The following MCTP2 variants were observed in gnomAD, a reference collection of about 807,000 sequenced individuals.
MCTP2 encodes the protein multiple C2 and transmembrane domain containing 2.
MCTP2 carries 132 observed loss-of-function variants against 111.6 expected under a neutral mutation model. The ratio of observed to expected loss-of-function variants is 1.18; its 90% CI spans 1.03 to 1.37. The LOEUF (loss-of-function observed/expected upper bound fraction) is 1.37. Ranked by LOEUF, MCTP2 falls within the 40% of genes most tolerant of loss-of-function variation. The probability of loss-of-function intolerance (pLI) is 0.00; values close to 1 mark genes in which losing one functional copy is unlikely to be tolerated. For synonymous variants in MCTP2, 395 were observed against 387.7 expected (o/e 1.02, Z -0.22); for missense variants, 1,183 against 1,067.9 (o/e 1.11, Z -1.50).
chr15:94,279,450 T>C (rs1007822762), intron 1 of MCTP2, among the ~76,000 whole-genome samples: 100 of 111,842 alleles, frequency 8.9e-4, no homozygotes, highest in African/African-American at 3.4e-3. Context: ...TGTTACTGAT[T>C]TTTTTTTTAC....
chr15:94,232,887 C>T (rs993572237), intron 1 of MCTP2, among the ~76,000 whole-genome samples: 1 of 152,140 alleles, frequency 6.6e-6, no homozygotes. Flanking sequence ...TAGCTCTGTG[C>T]CAAGCACCAT....
intron 1 of MCTP2, among the ~76,000 whole-genome samples, chr15:94,257,689 C>T (rs1346640493): frequency 4.9e-5 from 7 of 143,512 alleles, no homozygotes; most frequent in East Asian, 2.2e-4. Context: ...TAGGTTCGAG[C>T]GATTCTCCTG....
At chr15:94,469,804 C>T (rs1006351186) in intron 20 of MCTP2, among the ~76,000 whole-genome samples, 9 of 151,602 alleles carry the variant, frequency 5.9e-5, no homozygotes, top group South Asian at 2.1e-4. Context: ...CCTGGGGGGT[C>T]GAGGCTGCAG....
chr15:94,376,621 C>T (rs573123383), intron 12 of MCTP2, among the ~76,000 whole-genome samples: 4 of 152,122 alleles, frequency 2.6e-5, no homozygotes, highest in Admixed American at 1.3e-4. Context: ...ATATTTGATA[C>T]GTGAAGAACT....
rs2074691879 is a variant in MCTP2 at position 94,480,876 on chromosome 15, TGTAGCCCGATTG to T, written c.*1843_*1854del. On this transcript the variant is annotated 3_prime_UTR_variant, in exon 23 of 23. Coordinates refer to ENST00000357742, the MANE Select transcript of MCTP2 (RefSeq NM_001385001.1). The stretch of plus-strand genomic sequence containing the variant: ...CATCATTAGTTAGACTTGTTTCCTC[TGTAGCCCGATTG>T]AAATTCTCAGTGTTAAGTTTAGGAC... 1 of 152,244 alleles carries T rather than the reference TGTAGCCCGATTG, an allele frequency of 6.6e-6. No homozygotes were observed. Among genetic ancestry groups the T allele is most frequent in the Non-Finnish European group, 1.5e-5 (1 of 68,038 alleles). 9.4% of individuals were successfully genotyped at this position (152,244 alleles called of 1,614,324 possible). A position where few individuals can be genotyped will look rare whatever the true frequency, so the allele number is the denominator to read the frequency against.
intron 2 of MCTP2, among the ~76,000 whole-genome samples, chr15:94,308,431 G>A (rs1042291669): frequency 4.6e-5 from 7 of 152,138 alleles, no homozygotes; most frequent in Admixed American, 3.9e-4. Flanking sequence ...CCAACCTAGA[G>A]TGCTCTCCAG....
At chr15:94,476,615 G>A (rs1596872886) in intron 21 of MCTP2, 81 bp from the exon 22 acceptor site, 2 of 642,970 alleles carry the variant, frequency 3.1e-6, no homozygotes, top group Admixed American at 4.8e-5. Context: ...CAGATAGATA[G>A]ATAGATAGAT....
chr15:94,435,122 C>T (rs1436647891), intron 17 of MCTP2, among the ~76,000 whole-genome samples: 1 of 152,120 alleles, frequency 6.6e-6, no homozygotes, highest in African/African-American at 2.4e-5. Context: ...GTGTTGGCCT[C>T]CCAAAGTGCT....
intron 1 of MCTP2, among the ~76,000 whole-genome samples, chr15:94,287,568 A>G (rs2074821180): frequency 6.6e-6 from 1 of 152,216 alleles, no homozygotes; most frequent in Non-Finnish European, 1.5e-5. Context: ...CAAAACTTAA[A>G]TGAGTTCCGG....
Position 94,342,472 on chromosome 15 carries a change from G to C in MCTP2, c.969+1548G>C, listed in dbSNP as rs369653552. Reference sequence around the variant, plus strand: ...ACCTCCCATGTTGAAGACTTTGTCAGAATGTCTGTCCGCTCACTCATGTGC... The same window carrying C: ...ACCTCCCATGTTGAAGACTTTGTCACAATGTCTGTCCGCTCACTCATGTGC... On this transcript the variant is annotated intron_variant, in intron 7 of 22. Coordinates refer to ENST00000357742, the MANE Select transcript of MCTP2 (RefSeq NM_001385001.1). 4 of 152,014 alleles carry C rather than the reference G, an allele frequency of 2.6e-5. No individual in the cohort carries two copies. In the East Asian group the frequency reaches 7.7e-4, roughly 29 times the overall value. The allele number at this position is 152,014 out of a possible 1,614,324, so 9.4% of individuals were successfully genotyped here.
intron 1 of MCTP2, among the ~76,000 whole-genome samples, chr15:94,252,385 G>T (rs2388515): frequency 0.083 from 12,636 of 152,142 alleles, 811 homozygotes; most frequent in African/African-American, 0.16. Context: ...TGAGTATAAC[G>T]TTTTTACAGA....
intron 1 of MCTP2, among the ~76,000 whole-genome samples, chr15:94,264,998 C>T (rs2073431932): frequency 6.6e-6 from 1 of 152,070 alleles, no homozygotes; most frequent in African/African-American, 2.4e-5. Context: ...ATTTCTGGAA[C>T]TGAATAATTA....
At position 94,285,446 on chromosome 15, in the gene MCTP2, A is replaced by G. The variant is rs1198912918; in HGVS notation, c.-65-12755A>G. 3.9e-5 allele frequency among the ~76,000 whole-genome samples: 6 copies of G among 152,378 alleles called. No individual in the cohort carries two copies. In the South Asian group the frequency reaches 1.2e-3, roughly 32 times the overall value. ...AGTTACTGATGCCAGGTAAGGGCCA[A>G]CCTTGCAGGCAGACCTTTAAAAACA... On this transcript the variant is annotated intron_variant, in intron 1 of 22. Transcript: ENST00000357742.
chr15:94,352,667 G>A (rs369089610), intron 8 of MCTP2, among the ~76,000 whole-genome samples: 78 of 152,264 alleles, frequency 5.1e-4, no homozygotes, highest in African/African-American at 1.7e-3. Context: ...ATTCCAGGCT[G>A]CATTAAGATG....
chr15:94,386,827 C>CAA (rs1172143635), intron 14 of MCTP2, among the ~76,000 whole-genome samples: 1 of 151,908 alleles, frequency 6.6e-6, no homozygotes, highest in Non-Finnish European at 1.5e-5. Flanking sequence ...CAAAACAAAA[C>CAA]AACTCCCCTC....
At chr15:94,274,798 A>G (rs559408147) in intron 1 of MCTP2, among the ~76,000 whole-genome samples, 25 of 152,180 alleles carry the variant, frequency 1.6e-4, no homozygotes, top group Non-Finnish European at 3.5e-4. Flanking sequence ...AATGCCACCA[A>G]TTTTACACAA....
chr15:94,310,738 ATATC>A (rs1269647180), intron 2 of MCTP2, among the ~76,000 whole-genome samples: 2 of 150,774 alleles, frequency 1.3e-5, no homozygotes, highest in African/African-American at 4.8e-5. Flanking sequence ...ACTACAACAT[ATATC>A]TATTTAAAAA....
intron 20 of MCTP2, among the ~76,000 whole-genome samples, chr15:94,466,385 T>G (rs1250822362): frequency 6.6e-6 from 1 of 152,158 alleles, no homozygotes; most frequent in Non-Finnish European, 1.5e-5. Flanking sequence ...TTAAGTCACC[T>G]TGGGATACTA....
At chr15:94,252,632 AT>A (rs201850560) in intron 1 of MCTP2, among the ~76,000 whole-genome samples, 502 of 146,082 alleles carry the variant, frequency 3.4e-3, no homozygotes, top group Middle Eastern at 0.011. Flanking sequence ...TGGTTTACAG[AT>A]TTTTTTTTTT....
Sources: gnomAD v4.1 joint callset for allele counts (sites outside exome capture counted in the v4.1 genomes callset) on GRCh38, gnomAD v4.1.1 for gene constraint, MANE v1.5 for transcripts, NCBI Gene and HGNC (gene_info 2026-07-23, HGNC 2026-07-21) for gene names.